Variants in IGF2R observed in about 807,000 individuals in gnomAD.
IGF2R encodes cation-independent mannose-6-phosphate receptor.
Under a neutral mutation model 270.6 loss-of-function variants are expected in IGF2R, and 91 were observed. That is an observed-to-expected ratio of 0.34 (90% CI 0.28 to 0.40). The LOEUF (loss-of-function observed/expected upper bound fraction) is 0.40. Ranked by LOEUF, IGF2R falls within the 10% of genes least tolerant of loss-of-function variation. The pLI is 1.00. For missense variants in IGF2R, 2,805 were observed against 3,188.3 expected, an observed-to-expected ratio of 0.88 and a Z score of 2.90; for synonymous variants, 1,316 against 1,258.9, an observed-to-expected ratio of 1.05 and a Z score of -0.96.
chr6:160,035,168 A>G (rs1283405589), intron 10 of IGF2R, among the ~76,000 whole-genome samples: 1 of 152,166 alleles, frequency 6.6e-6, no homozygotes, highest in Non-Finnish European at 1.5e-5. Flanking sequence ...GTTGACCCCC[A>G]GGCTGTGACT....
intron 4 of IGF2R, among the ~76,000 whole-genome samples, 185 bp from the exon 5 acceptor site, chr6:160,024,387 G>C (rs1048746775): frequency 5.3e-5 from 8 of 152,128 alleles, no homozygotes; most frequent in Non-Finnish European, 1.5e-5. Flanking sequence ...AGAGAGAAGA[G>C]ATACCGAAAA....
chr6:160,060,785 G>C (rs1778422273), intron 23 of IGF2R, 68 bp downstream of exon 23: 1 of 1,491,392 alleles, frequency 6.7e-7, no homozygotes, highest in East Asian at 2.3e-5. Context: ...TGGATATGAA[G>C]GTGTGTTTCT....
chr6:159,999,794 A>G (rs1403085147), intron 2 of IGF2R, among the ~76,000 whole-genome samples: 2 of 152,218 alleles, frequency 1.3e-5, no homozygotes, highest in African/African-American at 4.8e-5. Context: ...ACATACTGAA[A>G]TTACAGCTCA....
At chr6:160,034,276 T>C (rs527895595) in intron 9 of IGF2R, 143 bp from the exon 10 acceptor site, 3 of 539,840 alleles carry the variant, frequency 5.6e-6, no homozygotes, top group Admixed American at 2.9e-5. Flanking sequence ...TATTTTTCCC[T>C]AGCTGGCTAG....
chr6:160,055,046 C>T (rs766611985), intron 19 of IGF2R, among the ~76,000 whole-genome samples: 11 of 148,974 alleles, frequency 7.4e-5, no homozygotes, highest in African/African-American at 1.2e-4. Context: ...GAATGAATGA[C>T]GGGCAGGCTG....
intron 27 of IGF2R, 125 bp downstream of exon 27, chr6:160,063,755 AGC>A: frequency 4.4e-6 from 3 of 678,482 alleles, no homozygotes; most frequent in Non-Finnish European, 7.4e-6. Context: ...AAAAAAAAAA[AGC>A]ATATTAATGA....
At chr6:160,103,255 AG>A (rs1322376192) in intron 46 of IGF2R, among the ~76,000 whole-genome samples, 1 of 150,580 alleles carries the variant, frequency 6.6e-6, no homozygotes, top group Admixed American at 6.7e-5. Context: ...CCAACCATGG[AG>A]GTTGCAGTGA....
chr6:160,032,740 C>T (rs368035176), intron 8 of IGF2R, 27 bp downstream of exon 8: 487 of 1,608,998 alleles, frequency 3.0e-4, no homozygotes, highest in Non-Finnish European at 3.8e-4. Flanking sequence ...TGCCTCCTGG[C>T]GCTGCTTAGG....
rs999281380 is a variant in IGF2R at position 160,082,311 on chromosome 6, A to C, written c.5834-1639A>C. On this transcript the variant is annotated intron_variant, in intron 39 of 47. Transcript: ENST00000356956. ...TTGTAGGTATTACATTATTATCTTA[A>C]ATTTTTTTTTTTTTTGAGATGGAGT... Among the ~76,000 whole-genome samples the C allele has an allele frequency of 2.0e-4, 30 of 150,954 alleles. 1 individual carries two copies. Among genetic ancestry groups the C allele is most frequent in the Non-Finnish European group, 4.4e-5 (3 of 67,904 alleles).
At chr6:160,095,533 A>T (rs1779336918) in intron 44 of IGF2R, 1 of 152,236 alleles carries the variant, frequency 6.6e-6, no homozygotes, top group South Asian at 2.1e-4. Context: ...TTCTTATACA[A>T]GTCCAAAGCG....
At chr6:160,065,980 A>G (rs1418444384) in intron 29 of IGF2R, among the ~76,000 whole-genome samples, 5 of 146,992 alleles carry the variant, frequency 3.4e-5, no homozygotes, top group Admixed American at 2.0e-4. Context: ...CTGGGATTAC[A>G]GACACCACCA....
rs764745176 is a variant in IGF2R, at chr6:160,058,106, C to A, written c.2880C>A (p.Gly960=). The change falls in exon 21 of 48, where the codon GGC becomes GGA. Residue 960 remains glycine (G), a synonymous_variant. Coordinates refer to ENST00000356956, the MANE Select transcript of IGF2R (RefSeq NM_000876.4). ...LNSSQGYNVS[G]IGKIFMFNVC... ...GTTCGCAAGGATATAACGTCTCTGG[C>A]ATTGGGAAGATTTTTATGGTAAGAG... is the stretch of plus-strand genomic sequence containing the variant. The A allele has an allele frequency of 7.5e-6, 12 of 1,609,286 alleles. No individual in the cohort carries two copies. The South Asian group carries it at 1.1e-4, about 15-fold the overall frequency.
rs1201946250 is a variant in IGF2R, at chr6:160,084,645, C to T, written c.6069-350C>T. Among the ~76,000 whole-genome samples the T allele has an allele frequency of 4.6e-5, 7 of 152,118 alleles. No homozygotes were observed. The highest frequency in any genetic ancestry group is 1.0e-4 in the Non-Finnish European group (7 of 68,022). On this transcript the variant is annotated intron_variant, in intron 40 of 47. Coordinates refer to ENST00000356956, the MANE Select transcript of IGF2R (RefSeq NM_000876.4). The surrounding 1 kb of genome is among the most constrained non-coding windows in gnomAD (Gnocchi z 4.6). ...ACCGAGGAGCAGGGGCATGGACTCA[C>T]AGGGTTTAAGTGGTTCTAAGTGAGG...
chr6:160,097,687 G>A (rs1779396465), intron 45 of IGF2R, among the ~76,000 whole-genome samples: 1 of 152,140 alleles, frequency 6.6e-6, no homozygotes, highest in South Asian at 2.1e-4. Context: ...AAGATTGGGG[G>A]AACATGAATT....
rs1302971158 is a variant in IGF2R, at chr6:160,106,158, A to G, written c.*1074A>G. On this transcript the variant is annotated 3_prime_UTR_variant, in exon 48 of 48. Coordinates refer to ENST00000356956, the MANE Select transcript of IGF2R (RefSeq NM_000876.4). ...GCCAGAGCCTCGGCCCTAGCATTGC[A>G]CTTGGCCTCATGCTGGAGGGAGGCT... 1 of 152,426 alleles carries G rather than the reference A, an allele frequency of 6.6e-6. No individual in the cohort carries two copies. The highest frequency in any genetic ancestry group is 2.4e-5 in the African/African-American group (1 of 41,376). 9.4% of individuals were successfully genotyped at this position (152,426 alleles called of 1,614,324 possible).
intron 31 of IGF2R, among the ~76,000 whole-genome samples, chr6:160,071,318 G>GTGCCCAGGGCCCA (rs1562367133): frequency 5.6e-5 from 8 of 142,654 alleles, no homozygotes; most frequent in Non-Finnish European, 1.1e-4. Context: ...CCCAGGGCCT[G>GTGCCCAGGGCCCA]GGAGGCTGGA....
chr6:159,969,149 C>A lies in IGF2R; in HGVS notation c.-98C>A. ...TCGGGCTCCCGCTCCGTCTCCACCT[C>A]CGCCTTTGCCCTGGCGGCGCGACCC... On this transcript the variant is annotated 5_prime_UTR_variant, in exon 1 of 48. Coordinates refer to ENST00000356956, the MANE Select transcript of IGF2R (RefSeq NM_000876.4). 1 of 705,260 alleles carries A rather than the reference C, an allele frequency of 1.4e-6. No individual in the cohort carries two copies. Among genetic ancestry groups the A allele is most frequent in the Non-Finnish European group, 1.7e-6 (1 of 575,308 alleles). The allele number at this position is 705,260 out of a possible 1,614,324, so 43.7% of individuals were successfully genotyped here. A position where few individuals can be genotyped will look rare whatever the true frequency, so the allele number is the denominator to read the frequency against.
chr6:160,103,688 G>A (rs1779545208), intron 46 of IGF2R, 58 bp from the exon 47 acceptor site: 1 of 1,284,086 alleles, frequency 7.8e-7, no homozygotes, highest in Non-Finnish European at 1.1e-6. Context: ...GCGGGGGTGG[G>A]GCTCCTGCCC....
chr6:160,013,790 T>G (rs892223967), intron 4 of IGF2R, among the ~76,000 whole-genome samples: 8 of 152,338 alleles, frequency 5.3e-5, no homozygotes, highest in Middle Eastern at 3.4e-3. Context: ...GCATAATGAC[T>G]GCTAAAAATG....
Sources: gnomAD v4.1 joint callset for allele counts (sites outside exome capture counted in the v4.1 genomes callset) on GRCh38, gnomAD v4.1.1 for gene constraint, Gnocchi (gnomAD v3.1) non-coding constraint, MANE v1.5 for transcripts, NCBI Gene and HGNC (gene_info 2026-07-23, HGNC 2026-07-21) for gene names.